Variants in CDK7 observed in about 807,000 individuals in gnomAD.
CDK7 encodes cyclin dependent kinase 7, also known as cyclin-dependent kinase 7.
In CDK7, 25 loss-of-function variants were observed where a neutral mutation model predicts 49.1. The ratio of observed to expected loss-of-function variants is 0.51; its 90% CI spans 0.37 to 0.71. The LOEUF (loss-of-function observed/expected upper bound fraction) is 0.71, where lower values mean the gene tolerates loss of function less well. Ranked by LOEUF, CDK7 falls within the 30% of genes least tolerant of loss-of-function variation. The pLI is 0.00. For missense variants in CDK7, 316 were observed against 411.7 expected (o/e 0.77, Z 2.01); for synonymous variants, 107 against 140.0 (o/e 0.76, Z 1.67).
intron 2 of CDK7, among the ~76,000 whole-genome samples, chr5:69,248,703 T>C (rs1208162046): frequency 6.6e-6 from 1 of 152,048 alleles, no homozygotes; most frequent in Non-Finnish European, 1.5e-5. Flanking sequence ...TCCTTTCTTA[T>C]TCCTTGACTT....
At chr5:69,252,267 T>C (rs1471883068) in intron 2 of CDK7, 151 bp from the exon 3 acceptor site, 1 of 604,084 alleles carries the variant, frequency 1.7e-6, no homozygotes, top group Admixed American at 3.4e-5. Context: ...TGATCATGAT[T>C]CCTACTCTCT....
At chr5:69,240,759 C>G (rs1057451077) in intron 2 of CDK7, among the ~76,000 whole-genome samples, 4 of 152,124 alleles carry the variant, frequency 2.6e-5, no homozygotes, top group African/African-American at 9.7e-5. Flanking sequence ...TCCCGAGTAG[C>G]TGGGATTACA....
rs527493101 is a variant in CDK7, at chr5:69,265,107, C to CA, written c.627+2811dup. On this transcript the variant is annotated intron_variant, in intron 8 of 11. Coordinates refer to ENST00000256443, the MANE Select transcript of CDK7 (RefSeq NM_001799.4). ...TGAAACCCCGTCTCTGTTGAAAATACAAAAAAAATTAGCTAGGCGTGGTGG... is the reference window on the plus strand; with the variant it reads ...TGAAACCCCGTCTCTGTTGAAAATACAAAAAAAAATTAGCTAGGCGTGGTGG... Among the ~76,000 whole-genome samples the CA allele has an allele frequency of 1.8e-4, 27 of 151,280 alleles. No homozygotes were observed. The East Asian group carries it at 3.3e-3, about 19-fold the overall frequency.
chr5:69,235,976 CACGCCTGT>C (rs1748946567), intron 2 of CDK7, among the ~76,000 whole-genome samples: 1 of 152,184 alleles, frequency 6.6e-6, no homozygotes, highest in Non-Finnish European at 1.5e-5. Flanking sequence ...CGCGGTGGCT[CACGCCTGT>C]AATCCCAGCA....
chr5:69,276,522 T>C (rs770534658), intron 10 of CDK7, 21 bp from the exon 11 acceptor site: 1 of 1,610,004 alleles, frequency 6.2e-7, no homozygotes, highest in Non-Finnish European at 8.5e-7. Flanking sequence ...ACCTTACTTT[T>C]GGTATCTTTT....
intron 2 of CDK7, among the ~76,000 whole-genome samples, chr5:69,246,565 G>A (rs568532139): frequency 1.3e-5 from 2 of 152,212 alleles, no homozygotes; most frequent in Admixed American, 6.5e-5. Context: ...TTGTTATTTT[G>A]TTGATCTTTT....
At chr5:69,256,434 A>T (rs1750496881) in intron 5 of CDK7, among the ~76,000 whole-genome samples, 1 of 151,740 alleles carries the variant, frequency 6.6e-6, no homozygotes, top group Non-Finnish European at 1.5e-5. Context: ...ACTCACTGCA[A>T]CCTCTGCCTC....
intron 2 of CDK7, among the ~76,000 whole-genome samples, chr5:69,245,738 G>C (rs1476172993): frequency 6.6e-6 from 1 of 152,048 alleles, no homozygotes; most frequent in African/African-American, 2.4e-5. Flanking sequence ...CTTGTTACTG[G>C]CCTGTTTAGG....
At chr5:69,258,195 A>T (rs563392312) in intron 6 of CDK7, 42 bp downstream of exon 6, 1 of 848,400 alleles carries the variant, frequency 1.2e-6, no homozygotes, top group East Asian at 2.7e-5. Context: ...GTCAAGTTTT[A>T]TATAGCCAAT....
At chr5:69,260,313 G>A (rs1053576823) in intron 7 of CDK7, among the ~76,000 whole-genome samples, 5 of 151,994 alleles carry the variant, frequency 3.3e-5, no homozygotes, top group East Asian at 1.9e-4. Context: ...TTGCACCACC[G>A]CACTCCAGCC....
rs761944819 is a variant in CDK7 at position 69,235,039 on chromosome 5, C to T, written c.64C>T (p.Gln22Ter). 1 of 1,601,062 alleles carries T rather than the reference C, an allele frequency of 6.2e-7. No individual in the cohort carries two copies. The highest frequency in any genetic ancestry group is 1.1e-5 in the South Asian group (1 of 88,608). ...YEKLDFLGEG[Q>*]FATVYKARDK... Reference sequence around the variant, plus strand: ...GAAGCTGGACTTCCTTGGGGAGGGACAGGTGAGGCTCTCTGGAAGGACGGG... The same window carrying T: ...GAAGCTGGACTTCCTTGGGGAGGGATAGGTGAGGCTCTCTGGAAGGACGGG... The change falls in exon 1 of 12, where the codon CAG becomes TAG. Residue 22 changes from glutamine (Q) to a stop codon, truncating the protein, a stop_gained and splice_region_variant. Transcript: ENST00000256443. LOFTEE classifies it high-confidence loss of function.
intron 9 of CDK7, among the ~76,000 whole-genome samples, chr5:69,271,988 A>G (rs1751600974): frequency 6.7e-6 from 1 of 149,374 alleles, no homozygotes; most frequent in African/African-American, 2.5e-5. Flanking sequence ...GTGGGGTCTC[A>G]CTTTCTTGTC....
intron 3 of CDK7, among the ~76,000 whole-genome samples, chr5:69,253,034 T>A (rs1053829192): frequency 1.3e-5 from 2 of 152,226 alleles, no homozygotes; most frequent in African/African-American, 4.8e-5. Flanking sequence ...TCTTCATTAC[T>A]GTTTTAGGTG....
chr5:69,260,570 A>G (rs902749647), intron 7 of CDK7, among the ~76,000 whole-genome samples: 8 of 152,268 alleles, frequency 5.3e-5, no homozygotes, highest in African/African-American at 1.9e-4. Context: ...TATTGGACCC[A>G]TTTTTATTAT....
rs142333596 is a variant in CDK7 at position 69,249,883 on chromosome 5, C to T, written c.127-2535C>T. ...GACTGATGCATTCTTGAGTATGTCA[C>T]TTGCATCTTTCCACTCCAGAATTTC... On this transcript the variant is annotated intron_variant, in intron 2 of 11. Transcript: ENST00000256443. Among the ~76,000 whole-genome samples, 1,388 of 152,334 alleles carry T rather than the reference C, an allele frequency of 9.1e-3. 10 individuals carry two copies. The highest frequency in any genetic ancestry group is 0.03 in the African/African-American group (1,253 of 41,574).
intron 8 of CDK7, among the ~76,000 whole-genome samples, chr5:69,268,844 A>AAAC (rs1554066401): frequency 1.4e-5 from 2 of 145,258 alleles, no homozygotes; most frequent in East Asian, 2.1e-4. Flanking sequence ...CAAAAAAAAA[A>AAAC]AAAAAACCCA....
At chr5:69,273,229 T>C (rs41456950) in intron 10 of CDK7, among the ~76,000 whole-genome samples, 188 bp downstream of exon 10, 2,621 of 152,200 alleles carry the variant, frequency 0.017, 78 homozygotes, top group Admixed American at 0.092. Context: ...GATTAAATTA[T>C]ATGCACACAG....
intron 2 of CDK7, among the ~76,000 whole-genome samples, chr5:69,240,310 A>G (rs1749281882): frequency 6.6e-6 from 1 of 152,210 alleles, no homozygotes. Context: ...GGAAATGTGA[A>G]TCAGGAAAAT....
At chr5:69,261,381 A>G (rs1376071963) in intron 7 of CDK7, among the ~76,000 whole-genome samples, 1 of 152,150 alleles carries the variant, frequency 6.6e-6, no homozygotes, top group Non-Finnish European at 1.5e-5. Flanking sequence ...ATTAAGATGA[A>G]GACTCTGGGA....
Sources: allele counts gnomAD v4.1 joint callset (sites outside exome capture counted in the v4.1 genomes callset), GRCh38; gene constraint gnomAD v4.1.1; transcripts MANE v1.5; gene names NCBI Gene and HGNC (gene_info 2026-07-23, HGNC 2026-07-21).